The following RARB variants were observed in gnomAD, a reference collection of about 807,000 sequenced individuals.
RARB encodes the protein HBV-activated protein.
In RARB, 17 loss-of-function variants were observed where a neutral mutation model predicts 51.9. The ratio of observed to expected loss-of-function variants is 0.33; its 90% CI spans 0.22 to 0.49. RARB has a LOEUF of 0.49. Among genes scored for constraint, RARB ranks in the 20% least tolerant of loss-of-function variants. RARB has a pLI of 0.99. For synonymous variants in RARB, 215 were observed against 195.4 expected (o/e 1.10, Z -0.84); for missense variants, 369 against 550.8 (o/e 0.67, Z 3.30).
intron 5 of RARB, among the ~76,000 whole-genome samples, chr3:25,314,048 G>A (rs888217667): frequency 6.6e-6 from 1 of 151,916 alleles, no homozygotes; most frequent in Non-Finnish European, 1.5e-5. Context: ...TCCAGCCTGG[G>A]TGACAGAGCC....
At chr3:25,577,565 A>G (rs1033031879) in intron 4 of RARB, among the ~76,000 whole-genome samples, 3 of 152,184 alleles carry the variant, frequency 2.0e-5, no homozygotes, top group Admixed American at 6.5e-5. Context: ...TATTTCTTTA[A>G]TGAAAATTTA....
chr3:24,937,595 G>A (rs754209876), intron 2 of RARB, among the ~76,000 whole-genome samples: 11 of 152,080 alleles, frequency 7.2e-5, no homozygotes, highest in South Asian at 4.1e-4. Flanking sequence ...AAGCAGTAGC[G>A]TGCGATACGG....
chr3:25,141,664 T>C (rs886270094), intron 4 of RARB, among the ~76,000 whole-genome samples: 8 of 152,368 alleles, frequency 5.3e-5, no homozygotes, highest in African/African-American at 1.9e-4. Context: ...TAGTTATAAA[T>C]GGCTTTCTGC....
intron 3 of RARB, among the ~76,000 whole-genome samples, chr3:25,087,809 G>A (rs1699129402): frequency 6.6e-6 from 1 of 151,762 alleles, no homozygotes; most frequent in Non-Finnish European, 1.5e-5. Context: ...GAAAACTATA[G>A]CATTATTTAT....
intron 5 of RARB, among the ~76,000 whole-genome samples, chr3:25,405,907 G>C (rs1157031371): frequency 1.3e-5 from 2 of 152,184 alleles, no homozygotes; most frequent in African/African-American, 2.4e-5. Context: ...TAATGAGAAA[G>C]GGGGAAGACT....
chr3:25,323,100 C>A (rs1473350398), intron 5 of RARB, among the ~76,000 whole-genome samples: 1 of 152,148 alleles, frequency 6.6e-6, no homozygotes, highest in African/African-American at 2.4e-5. Context: ...AGTGCTCCTC[C>A]ATTGGCCTCT....
At chr3:25,047,561 T>C (rs1698242285) in intron 2 of RARB, among the ~76,000 whole-genome samples, 1 of 152,214 alleles carries the variant, frequency 6.6e-6, no homozygotes, top group Non-Finnish European at 1.5e-5. Context: ...CTAGAGGCCA[T>C]TGTGTACATG....
intron 5 of RARB, among the ~76,000 whole-genome samples, chr3:25,220,287 T>C (rs141514124): frequency 6.6e-6 from 1 of 152,316 alleles, no homozygotes; most frequent in East Asian, 1.9e-4. Context: ...TTTCTGTATG[T>C]AGGAATTCAT....
At chr3:25,398,164 G>A (rs1009230566) in intron 5 of RARB, among the ~76,000 whole-genome samples, 5 of 151,924 alleles carry the variant, frequency 3.3e-5, no homozygotes, top group Admixed American at 6.6e-5. Flanking sequence ...CACGTTTGGG[G>A]GCCAGCTAAA....
chr3:25,401,780 T>C (rs1707269765), intron 5 of RARB, among the ~76,000 whole-genome samples: 1 of 152,172 alleles, frequency 6.6e-6, no homozygotes. Context: ...CATTTTCTTT[T>C]GTTTTTTTTC....
intron 3 of RARB, among the ~76,000 whole-genome samples, chr3:25,095,861 T>A (rs143796953): frequency 6.6e-5 from 10 of 152,342 alleles, no homozygotes; most frequent in Non-Finnish European, 1.2e-4. Flanking sequence ...TGGTGATGTC[T>A]TCTTAACTGC....
At chr3:25,261,990 G>A (rs1379465349) in intron 5 of RARB, among the ~76,000 whole-genome samples, 2 of 152,092 alleles carry the variant, frequency 1.3e-5, no homozygotes, top group East Asian at 3.9e-4. Flanking sequence ...ATGCAATGAT[G>A]TTTTCAAAAC....
chr3:25,128,464 CTATATACTAGAAATATATCTAGTATATAA>C (rs756492500), intron 3 of RARB, among the ~76,000 whole-genome samples: 2 of 147,116 alleles, frequency 1.4e-5, no homozygotes, highest in Non-Finnish European at 3.0e-5. Context: ...TTCTAGTATA[CTATATACTAGAAATATATCTAGTATATAA>C]TATATACTAA....
At position 25,016,869 on chromosome 3, in the gene RARB, CA is replaced by C. The variant is rs1697520542; in HGVS notation, c.-379-43255del. 2.0e-5 allele frequency among the ~76,000 whole-genome samples: 3 copies of C among 152,138 alleles called. No individual in the cohort carries two copies. The South Asian group carries it at 6.2e-4, about 32-fold the overall frequency. On this transcript the variant is annotated intron_variant, in intron 2 of 11. Coordinates refer to the RARB transcript ENST00000383772. ...CAAACACCGGTAAAAGCTAGCCAGA[CA>C]CCAGCATCTGATTTATACTATCCCC... is the stretch of plus-strand genomic sequence containing the variant.
At chr3:25,516,025 G>C (rs1153591) in intron 3 of RARB, among the ~76,000 whole-genome samples, 1 of 151,960 alleles carries the variant, frequency 6.6e-6, no homozygotes, top group African/African-American at 2.4e-5. Context: ...TAACATCTTG[G>C]CATTTTGCCT....
At chr3:24,977,997 A>T (rs1010445914) in intron 2 of RARB, among the ~76,000 whole-genome samples, 2 of 152,192 alleles carry the variant, frequency 1.3e-5, no homozygotes, top group African/African-American at 4.8e-5. Flanking sequence ...CCTTTTCTGC[A>T]TTGATTGAGA....
intron 2 of RARB, among the ~76,000 whole-genome samples, chr3:24,885,469 G>T (rs1379631703): frequency 2.0e-5 from 3 of 152,142 alleles, no homozygotes; most frequent in Non-Finnish European, 4.4e-5. Flanking sequence ...ATTAAATGGA[G>T]AATTTTCATG....
chr3:25,060,234 A>C (rs1698521924), intron 3 of RARB: 1 of 151,824 alleles, frequency 6.6e-6, no homozygotes, highest in African/African-American at 2.4e-5. Context: ...AAAACATGGA[A>C]GTTCTCCATA....
rs377144923 is a variant in RARB at position 25,216,195 on chromosome 3, C to T, written c.178+41620C>T. On this transcript the variant is annotated intron_variant, in intron 5 of 11. Transcript: ENST00000383772. ...TACCAGACAGCCAATGGGCCCCCTG[C>T]TTGCTGCCTCCTAAACACAATCCTC... Among the ~76,000 whole-genome samples, 5 of 152,264 alleles carry T rather than the reference C, an allele frequency of 3.3e-5. No individual in the cohort carries two copies. In the East Asian group the frequency reaches 9.7e-4, roughly 29 times the overall value.
Sources: allele counts gnomAD v4.1 joint callset (sites outside exome capture counted in the v4.1 genomes callset), GRCh38; gene constraint gnomAD v4.1.1; transcripts MANE v1.5; gene names NCBI Gene and HGNC (gene_info 2026-07-23, HGNC 2026-07-21).